Variants in ZC3H13 observed in about 807,000 individuals in gnomAD.
ZC3H13 encodes zinc finger CCCH-type containing 13.
In ZC3H13, 64 loss-of-function variants were observed where a neutral mutation model predicts 204.1. The ratio of observed to expected loss-of-function variants is 0.31; its 90% CI spans 0.26 to 0.39. The LOEUF (loss-of-function observed/expected upper bound fraction) is 0.39. Among genes scored for constraint, ZC3H13 ranks in the 10% least tolerant of loss-of-function variants. The probability of loss-of-function intolerance (pLI) is 1.00; values close to 1 mark genes in which losing one functional copy is unlikely to be tolerated. For synonymous variants in ZC3H13, 667 were observed against 693.7 expected, an observed-to-expected ratio of 0.96 and a Z score of 0.60; for missense variants, 1,833 against 2,082.7, an observed-to-expected ratio of 0.88 and a Z score of 2.33.
At position 45,975,506 on chromosome 13, in the gene ZC3H13, G is replaced by A. The variant is rs746067855; in HGVS notation, c.2245C>T (p.Arg749Trp). The A allele has an allele frequency of 5.6e-6, 9 of 1,608,906 alleles. No homozygotes were observed. The highest frequency in any genetic ancestry group is 1.1e-5 in the South Asian group (1 of 90,740). Residue 749 changes from arginine to tryptophan, a missense_variant, in exon 12 of 19, where the codon CGG becomes TGG. Physicochemically the swap from Arg to Trp is moderately radical, Grantham distance 101. Transcript: ENST00000679008. ...TCTCTCTCTTCTCTTTCTCGTTCCC[G>A]TTCTTTTTCCCTGTCTCGTTCCCTC... ...RERERDREKE[R>W]EREREERERE...
At chr13:45,983,662 C>T (rs1953907585) in intron 10 of ZC3H13, among the ~76,000 whole-genome samples, 2 of 150,650 alleles carry the variant, frequency 1.3e-5, no homozygotes, top group Admixed American at 1.3e-4. Context: ...CTCCTGACCT[C>T]GTGATCCGCC....
chr13:46,042,935 T>C (rs1209517192), intron 3 of ZC3H13, among the ~76,000 whole-genome samples: 3 of 152,014 alleles, frequency 2.0e-5, no homozygotes, highest in Non-Finnish European at 2.9e-5. Context: ...CATATTCTGC[T>C]GTAAATTTTT....
At chr13:46,039,117 A>C (rs1022911211) in intron 4 of ZC3H13, among the ~76,000 whole-genome samples, 1 of 152,172 alleles carries the variant, frequency 6.6e-6, no homozygotes, top group Non-Finnish European at 1.5e-5. Flanking sequence ...AAACCTGATC[A>C]CTGTTGAAAT....
Position 46,052,640 on chromosome 13 carries a change from C to G in ZC3H13, c.-246G>C. On this transcript the variant is annotated 5_prime_UTR_variant, in exon 1 of 19. Coordinates refer to ENST00000679008, the MANE Select transcript of ZC3H13 (RefSeq NM_001330564.2). ...TCTCCAGGGTCAAGCGAAACTGGGTCGCAGGAAGAAAAATAACGAAGAGAT... is the reference window on the plus strand; with the variant it reads ...TCTCCAGGGTCAAGCGAAACTGGGTGGCAGGAAGAAAAATAACGAAGAGAT... 2.5e-6 allele frequency: 1 copy of G among 398,634 alleles called. No homozygotes were observed. The highest frequency in any genetic ancestry group is 4.4e-6 in the Non-Finnish European group (1 of 226,146). 24.7% of individuals were successfully genotyped at this position (398,634 alleles called of 1,614,324 possible).
chr13:46,003,667 C>T (rs2040915340), intron 7 of ZC3H13, among the ~76,000 whole-genome samples: 1 of 151,772 alleles, frequency 6.6e-6, no homozygotes, highest in Admixed American at 6.6e-5. Context: ...GAAAAGTAGA[C>T]AAAGAAAGTA....
intron 17 of ZC3H13, among the ~76,000 whole-genome samples, chr13:45,961,828 G>A (rs1336631669): frequency 6.6e-6 from 1 of 151,748 alleles, no homozygotes; most frequent in Non-Finnish European, 1.5e-5. Context: ...CTGTATCAAA[G>A]TATCTCATGT....
rs34242790 is a variant in ZC3H13, at chr13:45,967,676, T to A, written c.4149A>T (p.Gln1383His). ...RDRDRTFESSQIESVKRCEAK... is the reference protein window; with the variant it reads ...RDRDRTFESSHIESVKRCEAK... ...CTTCACAGCGTTTCACAGACTCTAT[T>A]TGAGAACTCTCAAAAGTTCTGTCTC... The change falls in exon 15 of 19, where the codon CAA (glutamine) becomes CAT (histidine). Residue 1383 changes from glutamine to histidine, a missense_variant. Gln to His is a conservative substitution (Grantham distance 24). Coordinates refer to ENST00000679008, the MANE Select transcript of ZC3H13 (RefSeq NM_001330564.2). 6.9e-4 allele frequency: 1,121 copies of A among 1,614,126 alleles called. 3 individuals are homozygous for A. The African/African-American group carries it at 0.013, about 19-fold the overall frequency.
chr13:45,966,140 G>A (rs553037668), intron 15 of ZC3H13, among the ~76,000 whole-genome samples: 2 of 152,150 alleles, frequency 1.3e-5, no homozygotes, highest in South Asian at 4.1e-4. Flanking sequence ...GTCTCTTGGT[G>A]AGTTAGTTGT....
At chr13:46,035,300 A>T (rs2043144381) in intron 4 of ZC3H13, among the ~76,000 whole-genome samples, 1 of 152,200 alleles carries the variant, frequency 6.6e-6, no homozygotes, top group Non-Finnish European at 1.5e-5. Flanking sequence ...AGGCCCACAG[A>T]TCAAGAGAAA....
intron 8 of ZC3H13, among the ~76,000 whole-genome samples, chr13:45,998,333 T>C (rs1209002106): frequency 3.3e-5 from 5 of 152,158 alleles, no homozygotes; most frequent in Non-Finnish European, 2.9e-5. Context: ...GTCTTTTAAG[T>C]GTACAATAGA....
At position 45,957,073 on chromosome 13, in the gene ZC3H13, A is replaced by G. The variant is rs1951312552; in HGVS notation, c.*54T>C. ...GTCAAACCAAAGAACTTTGCAAAAG[A>G]ATATGCACTGCTGAAGGAAGACAGT... On this transcript the variant is annotated 3_prime_UTR_variant, in exon 19 of 19. Transcript: ENST00000679008. 1 of 1,316,024 alleles carries G rather than the reference A, an allele frequency of 7.6e-7. No individual in the cohort carries two copies. Among genetic ancestry groups the G allele is most frequent in the Admixed American group, 3.3e-5 (1 of 30,330 alleles). 81.5% of individuals were successfully genotyped at this position (1,316,024 alleles called of 1,614,324 possible).
intron 12 of ZC3H13, among the ~76,000 whole-genome samples, chr13:45,974,063 T>C (rs914227696): frequency 3.3e-5 from 5 of 152,024 alleles, no homozygotes; most frequent in Admixed American, 2.6e-4. Flanking sequence ...GGCAAATGAG[T>C]TGGAGGTAAG....
chr13:46,005,188 G>A (rs1418625393), intron 7 of ZC3H13, among the ~76,000 whole-genome samples: 2 of 152,094 alleles, frequency 1.3e-5, no homozygotes, highest in Non-Finnish European at 2.9e-5. Flanking sequence ...ACTAAATCCA[G>A]GTATTTTCAA....
chr13:46,026,709 A>G (rs1238799623), intron 4 of ZC3H13, among the ~76,000 whole-genome samples: 1 of 152,196 alleles, frequency 6.6e-6, no homozygotes, highest in East Asian at 1.9e-4. Flanking sequence ...CAATTCTTAG[A>G]TAATGGGTGG....
At position 46,011,552 on chromosome 13, in the gene ZC3H13, A is replaced by T. The variant is rs776001534; in HGVS notation, c.451T>A (p.Ser151Thr). 3.2e-6 allele frequency: 5 copies of T among 1,555,976 alleles called. No homozygotes were observed. In the South Asian group the frequency reaches 6.1e-5, roughly 19 times the overall value. Residue 151 changes from serine to threonine, a missense_variant and splice_region_variant, in exon 6 of 19, where the codon TCT (serine) becomes ACT (threonine). Ser to Thr is a moderately conservative substitution (Grantham distance 58). Transcript: ENST00000679008. The stretch of plus-strand genomic sequence containing the variant: ...TCATAATTAATATCTCCATTGTCAG[A>T]ATCTTTAAAATAAAATTGCATTACT... The part of the protein sequence containing the change: ...NVEWETNRDD[S>T]DNGDINYDYV...
intron 12 of ZC3H13, 107 bp downstream of exon 12, chr13:45,975,176 G>A: frequency 1.4e-6 from 2 of 1,471,306 alleles, no homozygotes; most frequent in Non-Finnish European, 1.8e-6. Flanking sequence ...AATATACAGA[G>A]AAAAAAAATT....
intron 8 of ZC3H13, among the ~76,000 whole-genome samples, chr13:45,998,567 T>A (rs2040508903): frequency 6.6e-6 from 1 of 151,576 alleles, no homozygotes. Context: ...GAGAATGGCA[T>A]GAATCCAGGA....
At chr13:45,996,412 G>T (rs2040336956) in intron 8 of ZC3H13, among the ~76,000 whole-genome samples, 1 of 151,998 alleles carries the variant, frequency 6.6e-6, no homozygotes, top group African/African-American at 2.4e-5. Flanking sequence ...TAGTTTGTTG[G>T]GTTCCCACTA....
chr13:46,021,762 T>C (rs927783478), intron 4 of ZC3H13, among the ~76,000 whole-genome samples: 4 of 151,886 alleles, frequency 2.6e-5, no homozygotes, highest in South Asian at 2.1e-4. Flanking sequence ...GGGCCTCTAC[T>C]TGAACAGAAG....
Sources: allele counts gnomAD v4.1 joint callset (sites outside exome capture counted in the v4.1 genomes callset), GRCh38; gene constraint gnomAD v4.1.1; transcripts MANE v1.5; gene names NCBI Gene and HGNC (gene_info 2026-07-23, HGNC 2026-07-21).